The following CSMD1 variants were observed in gnomAD, a reference collection of about 807,000 sequenced individuals.
The protein encoded by CSMD1 is CUB and sushi domain-containing protein 1.
In CSMD1, 213 loss-of-function variants were observed where a neutral mutation model predicts 417.5. That is an observed-to-expected ratio of 0.51 (90% CI 0.46 to 0.57). The LOEUF (loss-of-function observed/expected upper bound fraction) is 0.57. CSMD1 is among the 20% of genes least tolerant of loss of function. The probability of loss-of-function intolerance (pLI) is 0.00; values close to 1 mark genes in which losing one functional copy is unlikely to be tolerated. For synonymous variants in CSMD1, 2,862 were observed against 1,736.8 expected (o/e 1.65, Z -16.11); for missense variants, 6,923 against 4,529.7 (o/e 1.53, Z -15.17).
intron 26 of CSMD1, among the ~76,000 whole-genome samples, chr8:3,265,397 G>A (rs1801360980): frequency 6.6e-6 from 1 of 152,140 alleles, no homozygotes; most frequent in African/African-American, 2.4e-5. Flanking sequence ...ATCTTGTGAA[G>A]GGGGGAGTGT....
At chr8:3,926,644 C>G (rs1213867025) in intron 5 of CSMD1, among the ~76,000 whole-genome samples, 1 of 143,220 alleles carries the variant, frequency 7.0e-6, no homozygotes, top group Non-Finnish European at 1.5e-5. Context: ...TTATTAGAAA[C>G]AATTAATTGA....
intron 3 of CSMD1, among the ~76,000 whole-genome samples, chr8:4,208,704 A>G (rs1050582160): frequency 6.6e-6 from 1 of 152,224 alleles, no homozygotes; most frequent in African/African-American, 2.4e-5. Flanking sequence ...ATGATTAAAA[A>G]TATAGCAGAA....
chr8:3,144,700 G>A (rs1818729191), intron 40 of CSMD1, among the ~76,000 whole-genome samples: 1 of 151,636 alleles, frequency 6.6e-6, no homozygotes, highest in South Asian at 2.1e-4. Flanking sequence ...CCACCAGTGA[G>A]CTATTGTTTC....
At chr8:4,828,551 G>C (rs576122686) in intron 1 of CSMD1, among the ~76,000 whole-genome samples, 1 of 152,070 alleles carries the variant, frequency 6.6e-6, no homozygotes, top group African/African-American at 2.4e-5. Flanking sequence ...GTGCCTTCCT[G>C]TGCTCTTTCA....
intron 1 of CSMD1, among the ~76,000 whole-genome samples, chr8:4,954,842 G>C (rs887058949): frequency 1.3e-5 from 2 of 152,150 alleles, no homozygotes; most frequent in Non-Finnish European, 2.9e-5. Context: ...TGCTTTTGGT[G>C]TTGACAAGAT....
intron 26 of CSMD1, among the ~76,000 whole-genome samples, chr8:3,263,577 T>G (rs1268404560): frequency 6.6e-6 from 1 of 152,244 alleles, no homozygotes; most frequent in African/African-American, 2.4e-5. Context: ...TTTTGAAATT[T>G]CTTACAAATA....
chr8:4,562,527 C>G (rs1359219558), intron 2 of CSMD1, among the ~76,000 whole-genome samples: 1 of 152,126 alleles, frequency 6.6e-6, no homozygotes, highest in Admixed American at 6.5e-5. Flanking sequence ...GAAAAGATAA[C>G]TTTAGTTATT....
At chr8:4,295,724 ATC>A (rs1797639923) in intron 3 of CSMD1, among the ~76,000 whole-genome samples, 3 of 137,788 alleles carry the variant, frequency 2.2e-5, no homozygotes, top group South Asian at 4.6e-4. Context: ...AATTATATAT[ATC>A]TGTGTGTGTG....
chr8:4,314,034 A>AATG (rs1057391188), intron 3 of CSMD1, among the ~76,000 whole-genome samples: 11 of 150,750 alleles, frequency 7.3e-5, no homozygotes, highest in Admixed American at 4.0e-4. Flanking sequence ...TAATAATAAT[A>AATG]ATGATAATAA....
intron 3 of CSMD1, among the ~76,000 whole-genome samples, chr8:4,156,765 G>C (rs3849826): frequency 0.31 from 47,770 of 152,100 alleles, 9,388 homozygotes; most frequent in Non-Finnish European, 0.42. Flanking sequence ...AGGAAATCCA[G>C]ACAGTACAGA....
At chr8:4,324,435 C>G (rs1376427723) in intron 3 of CSMD1, among the ~76,000 whole-genome samples, 1 of 152,176 alleles carries the variant, frequency 6.6e-6, no homozygotes, top group African/African-American at 2.4e-5. Flanking sequence ...AGAAGCCTAG[C>G]CTTTGTCAGT....
chr8:4,816,312 G>A (rs952899757), intron 1 of CSMD1, among the ~76,000 whole-genome samples: 19 of 152,126 alleles, frequency 1.2e-4, no homozygotes, highest in Admixed American at 1.2e-3. Flanking sequence ...AGCCTGCCAA[G>A]TAGCTGGGAT....
At chr8:3,861,483 A>G (rs992875538) in intron 5 of CSMD1, among the ~76,000 whole-genome samples, 6 of 152,072 alleles carry the variant, frequency 3.9e-5, no homozygotes, top group African/African-American at 1.2e-4. Flanking sequence ...ATAGATTTGG[A>G]CTCGTGAGGG....
chr8:4,504,434 G>A (rs1339355634), intron 2 of CSMD1, among the ~76,000 whole-genome samples: 2 of 152,154 alleles, frequency 1.3e-5, no homozygotes, highest in African/African-American at 4.8e-5. Flanking sequence ...ATAGTGGGTT[G>A]TACACTTACA....
intron 10 of CSMD1, among the ~76,000 whole-genome samples, chr8:3,508,572 GATGA>G (rs1361430283): frequency 6.6e-6 from 1 of 152,024 alleles, no homozygotes; most frequent in Non-Finnish European, 1.5e-5. Context: ...AAAAGATTCA[GATGA>G]ATGAACTGAG....
chr8:3,507,512 A>T (rs1232659627), intron 10 of CSMD1, among the ~76,000 whole-genome samples: 2 of 152,166 alleles, frequency 1.3e-5, no homozygotes, highest in Middle Eastern at 3.2e-3. Flanking sequence ...TCCTTTGGGT[A>T]TATACCTAGT....
At chr8:3,592,321 T>C (rs1487154364) in intron 8 of CSMD1, among the ~76,000 whole-genome samples, 1 of 152,090 alleles carries the variant, frequency 6.6e-6, no homozygotes, top group Non-Finnish European at 1.5e-5. Flanking sequence ...CTCATAAATA[T>C]AAAAGGAATA....
intron 1 of CSMD1, among the ~76,000 whole-genome samples, chr8:4,758,679 G>C (rs1461339056): frequency 6.6e-6 from 1 of 152,124 alleles, no homozygotes; most frequent in Non-Finnish European, 1.5e-5. Context: ...AGGAATAGTG[G>C]ACACATCTTA....
At chr8:4,901,906 A>G (rs144338833) in intron 1 of CSMD1, among the ~76,000 whole-genome samples, 40 of 152,240 alleles carry the variant, frequency 2.6e-4, no homozygotes, top group African/African-American at 7.9e-4. Flanking sequence ...CATTTACCCT[A>G]AATACGTTAA....
Sources: allele counts gnomAD v4.1 joint callset (sites outside exome capture counted in the v4.1 genomes callset), GRCh38; gene constraint gnomAD v4.1.1; transcripts MANE v1.5; gene names NCBI Gene and HGNC (gene_info 2026-07-23, HGNC 2026-07-21).